The following ERBB4 variants were observed in gnomAD, a reference collection of about 807,000 sequenced individuals.
ERBB4 encodes receptor tyrosine-protein kinase erbB-4.
A neutral mutation model predicts 158.0 loss-of-function variants in ERBB4; 42 were observed. The observed-to-expected ratio is 0.27, with a 90% CI of 0.21 to 0.34. ERBB4 has a LOEUF of 0.34. Among genes scored for constraint, ERBB4 ranks in the 10% least tolerant of loss-of-function variants. ERBB4 has a pLI of 1.00. For synonymous variants in ERBB4, 583 were observed against 558.7 expected (o/e 1.04, Z -0.61); for missense variants, 1,333 against 1,624.1 (o/e 0.82, Z 3.08).
chr2:211,540,188 T>TTATA (rs571359851), intron 20 of ERBB4, among the ~76,000 whole-genome samples: 25 of 143,912 alleles, frequency 1.7e-4, no homozygotes, highest in African/African-American at 5.8e-4. Context: ...CCTACATGAT[T>TTATA]TATATATATA....
At chr2:211,426,417 G>A (rs760407400) in intron 22 of ERBB4, among the ~76,000 whole-genome samples, 2 of 152,104 alleles carry the variant, frequency 1.3e-5, no homozygotes, top group Non-Finnish European at 2.9e-5. Context: ...TGCCTTTAAC[G>A]CCTTTTGCAA....
At chr2:212,393,411 A>C (rs1574837623) in intron 1 of ERBB4, among the ~76,000 whole-genome samples, 1 of 152,102 alleles carries the variant, frequency 6.6e-6, no homozygotes, top group East Asian at 1.9e-4. Flanking sequence ...GCTGGCAAAT[A>C]GGTGAGAGGA....
In ERBB4 at chr2:211,381,084, G is replaced by A. The variant is rs894852192; in HGVS notation, c.*2531C>T. On this transcript the variant is annotated 3_prime_UTR_variant, in exon 28 of 28. Transcript: ENST00000342788. ...CCTTTTCCTAGAGACTTCTCTGAAT[G>A]GATAGGAGAGCCCTGAGCTATTAGA... 1 of 232,330 alleles carries A rather than the reference G, an allele frequency of 4.3e-6. No homozygotes were observed. Among genetic ancestry groups the A allele is most frequent in the Non-Finnish European group, 8.5e-6 (1 of 117,588 alleles). The allele number at this position is 232,330 out of a possible 1,614,324, so 14.4% of individuals were successfully genotyped here.
chr2:211,520,916 C>A (rs1048362852), intron 20 of ERBB4, among the ~76,000 whole-genome samples: 1 of 152,060 alleles, frequency 6.6e-6, no homozygotes, highest in African/African-American at 2.4e-5. Flanking sequence ...ATGAATCATG[C>A]CCATATAAGA....
chr2:211,461,459 T>C (rs898077524), intron 20 of ERBB4, among the ~76,000 whole-genome samples: 7 of 152,164 alleles, frequency 4.6e-5, no homozygotes, highest in African/African-American at 1.7e-4. Flanking sequence ...TGTCAGAGGA[T>C]CTGTGGTGGT....
intron 3 of ERBB4, among the ~76,000 whole-genome samples, chr2:211,824,337 T>C (rs77087030): frequency 0.045 from 6,837 of 152,090 alleles, 263 homozygotes; most frequent in Middle Eastern, 0.068. Context: ...TACCTGTGTA[T>C]GCCTCATCGC....
intron 2 of ERBB4, among the ~76,000 whole-genome samples, chr2:212,041,861 TCTTA>T (rs1393328096): frequency 6.6e-6 from 1 of 152,092 alleles, no homozygotes; most frequent in Non-Finnish European, 1.5e-5. Context: ...ACAGCTCCAC[TCTTA>T]CTTATAATTA....
chr2:211,583,947 A>G (rs1306396935), intron 19 of ERBB4, among the ~76,000 whole-genome samples: 2 of 150,360 alleles, frequency 1.3e-5, no homozygotes, highest in Non-Finnish European at 3.0e-5. Flanking sequence ...TGCAATTTTA[A>G]CTACTATTTT....
At chr2:211,657,695 T>C in intron 16 of ERBB4, 59 bp downstream of exon 16, 1 of 1,296,364 alleles carries the variant, frequency 7.7e-7, no homozygotes, top group Non-Finnish European at 1.1e-6. Flanking sequence ...TTAGTACTTT[T>C]TGTTCATGAT....
At position 211,639,825 on chromosome 2, in the gene ERBB4, G is replaced by A. The variant is rs192785183; in HGVS notation, c.1947-9231C>T. Reference sequence around the variant, plus strand: ...CAACCTCCACCTCCGGAGTTCAAGCGACTCTCCTGACTTAGCCTCCCAAAT... The same window carrying A: ...CAACCTCCACCTCCGGAGTTCAAGCAACTCTCCTGACTTAGCCTCCCAAAT... On this transcript the variant is annotated intron_variant, in intron 16 of 27. Coordinates refer to ENST00000342788, the MANE Select transcript of ERBB4 (RefSeq NM_005235.3). Among the ~76,000 whole-genome samples, 1,253 of 152,080 alleles carry A rather than the reference G, an allele frequency of 8.2e-3. 9 individuals are homozygous for A. Among genetic ancestry groups the A allele is most frequent in the Non-Finnish European group, 0.012 (782 of 67,990 alleles).
rs749982268 is a variant in ERBB4, at chr2:211,381,644, GAC to G, written c.*1969_*1970del. Reference sequence around the variant, plus strand: ...CCCACAAAACATGGTGCTTTTAGTAGACACAGTTAGATAAAGGAGGTTTGGAT... The same window carrying G: ...CCCACAAAACATGGTGCTTTTAGTAGACAGTTAGATAAAGGAGGTTTGGAT... On this transcript the variant is annotated 3_prime_UTR_variant, in exon 28 of 28. Transcript: ENST00000342788. The G allele has an allele frequency of 8.6e-6, 2 of 231,574 alleles. No homozygotes were observed. The highest frequency in any genetic ancestry group is 2.2e-5 in the African/African-American group (1 of 45,244). The allele number at this position is 231,574 out of a possible 1,614,324, so 14.3% of individuals were successfully genotyped here. A position where few individuals can be genotyped will look rare whatever the true frequency, so the allele number is the denominator to read the frequency against.
chr2:211,719,868 G>GAAAAAAAAAAA (rs56887696), intron 7 of ERBB4, among the ~76,000 whole-genome samples: 1 of 76,748 alleles, frequency 1.3e-5, no homozygotes, highest in African/African-American at 3.7e-5. Flanking sequence ...ACAAAGAAAA[G>GAAAAAAAAAAA]AAAAAAAAAA....
intron 3 of ERBB4, among the ~76,000 whole-genome samples, chr2:211,880,419 C>T (rs1432440829): frequency 1.3e-5 from 2 of 152,238 alleles, no homozygotes; most frequent in African/African-American, 2.4e-5. Context: ...TTTTATCCTC[C>T]TATTATGTCT....
rs1198779849 is a variant in ERBB4, at chr2:211,630,558, G to A, written c.1983C>T (p.Leu661=). 7 of 1,612,856 alleles carry A rather than the reference G, an allele frequency of 4.3e-6. No individual in the cohort carries two copies. In the Admixed American group the frequency reaches 1.0e-4, roughly 23 times the overall value. ...PLIAAGVIGG[L]FILVIVGLTF... ...TCAGACCCACAATGACCAGAATGAA[G>A]AGCCCACCAATTACTCCAGCTGCAA... is the stretch of plus-strand genomic sequence containing the variant. The change falls in exon 17 of 28, where the codon CTC becomes CTT. Residue 661 remains leucine, a synonymous_variant. Transcript: ENST00000342788.
intron 20 of ERBB4, among the ~76,000 whole-genome samples, chr2:211,532,834 T>C (rs1476811030): frequency 6.6e-6 from 1 of 151,980 alleles, no homozygotes. Context: ...GCAAAAAAGT[T>C]ATTATTTCTC....
chr2:211,712,180 T>C lies in ERBB4; in HGVS notation c.998-4A>G, dbSNP rs1273532421. The C allele has an allele frequency of 3.4e-5, 55 of 1,613,400 alleles. No homozygotes were observed. The highest frequency in any genetic ancestry group is 4.7e-5 in the Non-Finnish European group (55 of 1,179,428). On this transcript the variant is annotated splice_region_variant and splice_polypyrimidine_tract_variant and intron_variant, in intron 8 of 27. Transcript: ENST00000342788. The stretch of plus-strand genomic sequence containing the variant: ...CCTGTGCCAATGCCATCACAAGCTG[T>C]AGAAACAAGACTCAGAGTTAGGGGA...
intron 1 of ERBB4, among the ~76,000 whole-genome samples, chr2:212,165,985 A>C (rs1358977508): frequency 6.6e-6 from 1 of 152,082 alleles, no homozygotes; most frequent in Non-Finnish European, 1.5e-5. Flanking sequence ...TACTGATAAC[A>C]TAGATCTATT....
intron 1 of ERBB4, among the ~76,000 whole-genome samples, chr2:212,283,029 T>C (rs983868234): frequency 1.3e-5 from 2 of 151,904 alleles, no homozygotes; most frequent in African/African-American, 4.8e-5. Context: ...ACTCGGTCTA[T>C]TTCCATGGCA....
At chr2:212,059,385 C>T (rs1052072315) in intron 2 of ERBB4, among the ~76,000 whole-genome samples, 16 of 152,014 alleles carry the variant, frequency 1.1e-4, no homozygotes, top group Admixed American at 6.5e-4. Context: ...TTTAATAGAT[C>T]CAATGCCATC....
Sources: gnomAD v4.1 joint callset for allele counts (sites outside exome capture counted in the v4.1 genomes callset) on GRCh38, gnomAD v4.1.1 for gene constraint, MANE v1.5 for transcripts, NCBI Gene and HGNC (gene_info 2026-07-23, HGNC 2026-07-21) for gene names.